Variants in PTPN3 observed in about 807,000 individuals in gnomAD.
PTPN3 encodes tyrosine-protein phosphatase non-receptor type 3.
PTPN3 carries 96 observed loss-of-function variants against 132.7 expected under a neutral mutation model. The ratio of observed to expected loss-of-function variants is 0.72; its 90% CI spans 0.61 to 0.86. The LOEUF is 0.86. Ranked by LOEUF, PTPN3 falls within the 40% of genes least tolerant of loss-of-function variation. PTPN3 has a pLI of 0.00. For missense variants in PTPN3, 1,125 were observed against 1,159.6 expected (o/e 0.97, Z 0.43); for synonymous variants, 398 against 429.0 (o/e 0.93, Z 0.89).
intron 5 of PTPN3, among the ~76,000 whole-genome samples, chr9:109,453,060 G>T (rs575341135): frequency 4.5e-4 from 69 of 152,324 alleles, no homozygotes; most frequent in African/African-American, 1.6e-3. Flanking sequence ...GCATGCTTCT[G>T]TGTGGTCACC....
intron 1 of PTPN3, among the ~76,000 whole-genome samples, chr9:109,480,792 A>G (rs1035664066): frequency 2.0e-5 from 3 of 152,192 alleles, no homozygotes; most frequent in African/African-American, 7.2e-5. Flanking sequence ...ACATCCCTAC[A>G]CAAAAAGGCT....
the PTPN3 span, among the ~76,000 whole-genome samples, chr9:109,525,302 C>A: frequency 6.6e-6 from 1 of 152,208 alleles, no homozygotes; most frequent in African/African-American, 2.4e-5. Context: ...AAGCGATCCT[C>A]CCACCTCAGT....
At position 109,457,259 on chromosome 9, in the gene PTPN3, G is replaced by A. The variant is rs372863134; in HGVS notation, c.246+33C>T. On this transcript the variant is annotated intron_variant, in intron 3 of 25. Coordinates refer to ENST00000374541, the MANE Select transcript of PTPN3 (RefSeq NM_002829.4). ...TAAAATATAAAAGCAAACCGTGAAG[G>A]AGTTCAGCACATTTTTTAAAAATGG... 7.1e-5 allele frequency: 115 copies of A among 1,612,704 alleles called. No homozygotes were observed. In the African/African-American group the frequency reaches 1.4e-3, roughly 20 times the overall value.
chr9:109,391,658 T>TTAA (rs923363791), intron 19 of PTPN3, 97 bp from the exon 20 acceptor site: 1 of 985,424 alleles, frequency 1.0e-6, no homozygotes, highest in Non-Finnish European at 1.5e-6. Context: ...AATCTTAACA[T>TTAA]TTTAAAGTGA....
At chr9:109,380,875 T>TA (rs1290496385) in intron 25 of PTPN3, among the ~76,000 whole-genome samples, 1 of 152,282 alleles carries the variant, frequency 6.6e-6, no homozygotes, top group East Asian at 1.9e-4. Flanking sequence ...GAAGCCTTCC[T>TA]AGACTTTCCA....
At chr9:109,458,938 C>T (rs1845693327) in intron 2 of PTPN3, among the ~76,000 whole-genome samples, 1 of 152,202 alleles carries the variant, frequency 6.6e-6, no homozygotes, top group Admixed American at 6.5e-5. Context: ...CTAATCTTTG[C>T]AGCAACTTTG....
chr9:109,524,844 C>A, the PTPN3 span, among the ~76,000 whole-genome samples: 2 of 152,096 alleles, frequency 1.3e-5, no homozygotes, highest in Admixed American at 1.3e-4. Flanking sequence ...TTCAAGTGAT[C>A]CTCCTACCTC....
At chr9:109,448,226 A>G (rs931925360) in intron 6 of PTPN3, among the ~76,000 whole-genome samples, 2 of 152,030 alleles carry the variant, frequency 1.3e-5, no homozygotes, top group Admixed American at 6.6e-5. Context: ...CTAAACTCAC[A>G]GGGGTTGGGG....
At chr9:109,443,727 G>A (rs1844653652) in intron 7 of PTPN3, among the ~76,000 whole-genome samples, 1 of 152,138 alleles carries the variant, frequency 6.6e-6, no homozygotes, top group Non-Finnish European at 1.5e-5. Context: ...GATGTGAAAT[G>A]GCCGGGCCTG....
intron 1 of PTPN3, among the ~76,000 whole-genome samples, chr9:109,482,023 G>C (rs1846982806): frequency 6.6e-6 from 1 of 152,226 alleles, no homozygotes; most frequent in South Asian, 2.1e-4. Flanking sequence ...CATAGAAAAT[G>C]GAGCCTCTGC....
chr9:109,452,111 T>C (rs1486658769), intron 5 of PTPN3, among the ~76,000 whole-genome samples: 3 of 151,594 alleles, frequency 2.0e-5, no homozygotes, highest in Admixed American at 1.3e-4. Context: ...CTCCTAAAGA[T>C]ACAAAAATTA....
chr9:109,408,791 AAAAAAAT>A lies in PTPN3; in HGVS notation c.1579-421_1579-415del, dbSNP rs1304399180. Among the ~76,000 whole-genome samples, 121 of 58,384 alleles carry A rather than the reference AAAAAAAT, an allele frequency of 2.1e-3. 2 individuals carry two copies. Among genetic ancestry groups the A allele is most frequent in the Middle Eastern group, 7.6e-3 (1 of 132 alleles). 38.3% of individuals were successfully genotyped at this position (58,384 alleles called of 152,430 possible). A position where few individuals can be genotyped will look rare whatever the true frequency, so the allele number is the denominator to read the frequency against. Reference sequence around the variant, plus strand: ...AGAACTTATAATAATTAAAAAAAAAAAAAAAATATATATATATATATATATATGGGCT... The same window carrying A: ...AGAACTTATAATAATTAAAAAAAAAAATATATATATATATATATATGGGCT... On this transcript the variant is annotated intron_variant, in intron 16 of 25. Transcript: ENST00000374541.
chr9:109,391,445 A>C (rs756491670), intron 20 of PTPN3, 26 bp downstream of exon 20: 37 of 1,575,590 alleles, frequency 2.3e-5, no homozygotes, highest in Non-Finnish European at 2.9e-5. Flanking sequence ...GTAGGGGGGA[A>C]GGAGGCATTC....
At chr9:109,485,047 G>A (rs1027815885) in intron 1 of PTPN3, among the ~76,000 whole-genome samples, 7 of 152,032 alleles carry the variant, frequency 4.6e-5, no homozygotes, top group Admixed American at 1.3e-4. Context: ...TGGGCAACAT[G>A]GTGAGACCCC....
chr9:109,525,482 C>A, the PTPN3 span, among the ~76,000 whole-genome samples: 1 of 152,134 alleles, frequency 6.6e-6, no homozygotes, highest in Non-Finnish European at 1.5e-5. Context: ...TAAAAGATAC[C>A]CAATGCCAGG....
chr9:109,413,567 C>A lies in PTPN3; in HGVS notation c.1314-3152G>T, dbSNP rs1327209183. Among the ~76,000 whole-genome samples the A allele has an allele frequency of 2.6e-5, 4 of 152,206 alleles. No individual in the cohort carries two copies. In the East Asian group the frequency reaches 7.7e-4, roughly 29 times the overall value. On this transcript the variant is annotated intron_variant, in intron 14 of 25. Coordinates refer to ENST00000374541, the MANE Select transcript of PTPN3 (RefSeq NM_002829.4). ...CAGGGGAGTTGCCCCATGAATTCCA[C>A]AAGTGGAGTGAAGAAAGGGGCAGGA...
chr9:109,445,686 G>A (rs568655181), intron 6 of PTPN3, among the ~76,000 whole-genome samples: 1 of 152,228 alleles, frequency 6.6e-6, no homozygotes, highest in South Asian at 2.1e-4. Flanking sequence ...TCATCATAGG[G>A]CTCTCTAACT....
Position 109,433,094 on chromosome 9 carries a change from A to T in PTPN3, c.743T>A (p.Ile248Asn), listed in dbSNP as rs752503078. 6.2e-7 allele frequency: 1 copy of T among 1,614,152 alleles called. No homozygotes were observed. Among genetic ancestry groups the T allele is most frequent in the Admixed American group, 1.7e-5 (1 of 60,024 alleles). ...TTACCAAGGATAGAAACTTGTGCAA[A>T]TGTATTTTCGGTACACAGCAACACC... ...SAGVAVYRKY[I>N]CTSFYPWVNI... Residue 248 changes from isoleucine (I) to asparagine (N), a missense_variant, in exon 10 of 26, where the codon ATT becomes AAT. Coordinates refer to ENST00000374541, the MANE Select transcript of PTPN3 (RefSeq NM_002829.4).
intron 19 of PTPN3, chr9:109,392,532 T>C (rs1037530028): frequency 7.2e-5 from 11 of 152,220 alleles, no homozygotes; most frequent in Non-Finnish European, 1.0e-4. Flanking sequence ...GAAGCACATA[T>C]ATGTAAACGC....
Sources: gnomAD v4.1 joint callset for allele counts (sites outside exome capture counted in the v4.1 genomes callset) on GRCh38, gnomAD v4.1.1 for gene constraint, MANE v1.5 for transcripts, NCBI Gene and HGNC (gene_info 2026-07-23, HGNC 2026-07-21) for gene names.